NCR1: variants seen among roughly 807,000 people sequenced by gnomAD.
NCR1 encodes NK cell-activating receptor.
NCR1 carries 30 observed loss-of-function variants against 32.5 expected under a neutral mutation model. That is an observed-to-expected ratio of 0.92 (90% confidence interval 0.69 to 1.25). The LOEUF (loss-of-function observed/expected upper bound fraction) is 1.25, where lower values mean the gene tolerates loss of function less well. Among genes scored for constraint, NCR1 ranks in the 50% most tolerant of loss-of-function variants. NCR1 has a pLI of 0.00. For synonymous variants in NCR1, 169 were observed against 143.4 expected (o/e 1.18, Z -1.28); for missense variants, 369 against 380.7 (o/e 0.97, Z 0.26).
upstream of NCR1, among the ~76,000 whole-genome samples, chr19:54,905,175 A>G (rs937116998): frequency 1.3e-5 from 2 of 152,166 alleles, no homozygotes; most frequent in African/African-American, 4.8e-5. Flanking sequence ...ACTGCTTTCC[A>G]CAGTGGCTGA....
downstream of NCR1, chr19:54,915,863 A>G (rs1357126850): frequency 1.3e-5 from 2 of 148,174 alleles, no homozygotes; most frequent in East Asian, 4.1e-4. Context: ...AAAAAAAACC[A>G]CATAGGCTCA....
downstream of NCR1, among the ~76,000 whole-genome samples, chr19:54,917,029 C>A (rs1456137939): frequency 1.3e-5 from 2 of 151,940 alleles, no homozygotes; most frequent in African/African-American, 4.8e-5. Flanking sequence ...ATGCAGTGAC[C>A]CTTTTCAGCC....
chr19:54,907,866 G>A (rs2067714073), intron 3 of NCR1, among the ~76,000 whole-genome samples: 2 of 152,238 alleles, frequency 1.3e-5, no homozygotes, highest in Admixed American at 6.5e-5. Context: ...TCTATATTCT[G>A]TGTCATATAC....
At chr19:54,934,011 C>T in the NCR1 span, among the ~76,000 whole-genome samples, 1,289 of 152,292 alleles carry the variant, frequency 8.5e-3, 18 homozygotes, top group African/African-American at 0.028. This position sits in a 1 kb window ranked among gnomAD's most constrained non-coding sequence, Gnocchi z 6.7. Context: ...GGCGCGATCT[C>T]GGTTCACTGC....
the NCR1 span, among the ~76,000 whole-genome samples, chr19:54,934,258 A>G: frequency 1.3e-5 from 2 of 151,960 alleles, no homozygotes; most frequent in African/African-American, 4.8e-5. This position sits in a 1 kb window ranked among gnomAD's most constrained non-coding sequence, Gnocchi z 6.7. Context: ...GGTATTTTTA[A>G]TAGAAACAGG....
At chr19:54,934,769 G>A in the NCR1 span, 1 of 884,010 alleles carries the variant, frequency 1.1e-6, no homozygotes, top group Non-Finnish European at 1.7e-6. This position sits in a 1 kb window ranked among gnomAD's most constrained non-coding sequence, Gnocchi z 6.7. Flanking sequence ...GAATGCAAAG[G>A]CGTGATCTCA....
chr19:54,906,808 G>C lies in NCR1; in HGVS notation c.355+1G>C. The C allele has an allele frequency of 6.2e-7, 1 of 1,613,858 alleles. No homozygotes were observed. Among genetic ancestry groups the C allele is most frequent in the South Asian group, 1.1e-5 (1 of 91,074 alleles). ...AACTTGCTGGATCTGGTGGTAACAGGTAACTGTCCGGTTCTCTAACTGGAG... is the reference window on the plus strand; with the variant it reads ...AACTTGCTGGATCTGGTGGTAACAGCTAACTGTCCGGTTCTCTAACTGGAG... On this transcript the variant is annotated splice_donor_variant, in intron 3 of 6. Coordinates refer to ENST00000291890, the MANE Select transcript of NCR1 (RefSeq NM_004829.7). LOFTEE classifies it high-confidence loss of function.
At chr19:54,911,611 G>A (rs1455891161) in intron 5 of NCR1, among the ~76,000 whole-genome samples, 2 of 151,878 alleles carry the variant, frequency 1.3e-5, no homozygotes, top group Non-Finnish European at 2.9e-5. Context: ...CATGAGTTGG[G>A]TGTGGTGGCG....
the NCR1 span, among the ~76,000 whole-genome samples, chr19:54,928,279 T>G: frequency 6.6e-6 from 1 of 152,074 alleles, no homozygotes; most frequent in African/African-American, 2.4e-5. Context: ...GAACCACCTA[T>G]AATTCCAGCT....
chr19:54,937,619 C>T, the NCR1 span, among the ~76,000 whole-genome samples: 1 of 151,812 alleles, frequency 6.6e-6, no homozygotes, highest in East Asian at 1.9e-4. Flanking sequence ...AAAAAGGGGC[C>T]AGGTGCAGCG....
the NCR1 span, chr19:54,934,491 C>G: frequency 6.2e-7 from 1 of 1,614,142 alleles, no homozygotes; most frequent in Non-Finnish European, 8.5e-7. This position sits in a 1 kb window ranked among gnomAD's most constrained non-coding sequence, Gnocchi z 6.7. Flanking sequence ...AGACTTACGA[C>G]AACATCTGCA....
At chr19:54,901,712 A>T (rs1239573270), upstream of NCR1, among the ~76,000 whole-genome samples, 1 of 152,226 alleles carries the variant, frequency 6.6e-6, no homozygotes, top group Non-Finnish European at 1.5e-5. Flanking sequence ...TCATGCCTCT[A>T]ATCCCAGCAC....
At chr19:54,922,245 G>A in the NCR1 span, among the ~76,000 whole-genome samples, 1 of 152,184 alleles carries the variant, frequency 6.6e-6, no homozygotes, top group African/African-American at 2.4e-5. Context: ...AGCCAAGTGA[G>A]GAGAGGGGTC....
At chr19:54,912,334 C>T (rs754931000) in intron 6 of NCR1, 116 bp downstream of exon 6, 3 of 1,005,012 alleles carry the variant, frequency 3.0e-6, no homozygotes, top group Admixed American at 3.8e-5. Context: ...CAGTAGCTCA[C>T]ACCTGTAATC....
At chr19:54,934,666 A>G in the NCR1 span, 150 of 1,611,068 alleles carry the variant, frequency 9.3e-5, no homozygotes, top group Non-Finnish European at 1.2e-4. This position sits in a 1 kb window ranked among gnomAD's most constrained non-coding sequence, Gnocchi z 6.7. Context: ...CAACCTGTGA[A>G]AAGAGTGGGA....
At chr19:54,904,531 C>CTTTTCTTTTCTTTTTTTTTTTT (rs1221694096), upstream of NCR1, among the ~76,000 whole-genome samples, 1 of 118,994 alleles carries the variant, frequency 8.4e-6, no homozygotes, top group Non-Finnish European at 1.8e-5. Context: ...GTTTTCTTTT[C>CTTTTCTTTTCTTTTTTTTTTTT]TTTTTTTTTT....
At chr19:54,923,331 T>G in the NCR1 span, among the ~76,000 whole-genome samples, 1 of 152,304 alleles carries the variant, frequency 6.6e-6, no homozygotes, top group South Asian at 2.1e-4. Context: ...AAAGACACAC[T>G]GATCACATAG....
In NCR1 at chr19:54,906,751, A is replaced by G. The variant is rs200377570; in HGVS notation, c.299A>G (p.Tyr100Cys). The change falls in exon 3 of 7, where the codon TAT becomes TGT. Residue 100 changes from tyrosine to cysteine, a missense_variant. By Grantham distance (194) the Tyr-to-Cys change is radical. Coordinates refer to ENST00000291890, the MANE Select transcript of NCR1 (RefSeq NM_004829.7). ...ATGGCAGGGCAATACAGCTGCATCT[A>G]TCGGGTTGGGGAGCTCTGGTCAGAG... ...SRMAGQYSCI[Y>C]RVGELWSEPS... 2.5e-5 allele frequency: 40 copies of G among 1,614,048 alleles called. No homozygotes were observed. The highest frequency in any genetic ancestry group is 1.9e-4 in the South Asian group (17 of 91,090).
At chr19:54,911,025 G>A (rs1457627945) in intron 5 of NCR1, among the ~76,000 whole-genome samples, 1 of 152,054 alleles carries the variant, frequency 6.6e-6, no homozygotes, top group Non-Finnish European at 1.5e-5. Flanking sequence ...AGATGACGGT[G>A]GGATGGGCCT....
Sources: allele counts gnomAD v4.1 joint callset (sites outside exome capture counted in the v4.1 genomes callset), GRCh38; gene constraint gnomAD v4.1.1; non-coding constraint Gnocchi (gnomAD v3.1); transcripts MANE v1.5; gene names NCBI Gene and HGNC (gene_info 2026-07-23, HGNC 2026-07-21).